The following JARID2 variants were observed in gnomAD, a reference collection of about 807,000 sequenced individuals.
The protein encoded by JARID2 is jumonji and AT-rich interaction domain containing 2.
A neutral mutation model predicts 125.6 loss-of-function variants in JARID2; 21 were observed. The ratio of observed to expected loss-of-function variants is 0.17; its 90% CI spans 0.12 to 0.24. JARID2 has a LOEUF of 0.24. Ranked by LOEUF, JARID2 falls within the 10% of genes least tolerant of loss-of-function variation. The pLI is 1.00. For synonymous variants in JARID2, 736 were observed against 661.6 expected (o/e 1.11, Z -1.73); for missense variants, 1,303 against 1,639.6 (o/e 0.79, Z 3.55).
At position 15,356,552 on chromosome 6, in the gene JARID2, AT is replaced by A. The variant is rs143034275; in HGVS notation, c.46-17555del. On this transcript the variant is annotated intron_variant, in intron 1 of 17. Transcript: ENST00000341776. ...TTGTGTTTCATATGTAAGGGAGAGC[AT>A]TTTTTTTTTAGGCAAATTCATAAAT... Among the ~76,000 whole-genome samples the A allele has an allele frequency of 7.2e-4, 107 of 148,704 alleles. 1 individual carries two copies. Among genetic ancestry groups the A allele is most frequent in the East Asian group, 7.8e-4 (4 of 5,134 alleles).
intron 14 of JARID2, 77 bp from the exon 15 acceptor site, chr6:15,512,838 C>G (rs913748227): frequency 2.4e-5 from 33 of 1,363,630 alleles, no homozygotes; most frequent in South Asian, 2.2e-4. Flanking sequence ...AGCCTGCCTG[C>G]CCCCTCCACC....
intron 2 of JARID2, among the ~76,000 whole-genome samples, chr6:15,397,503 G>A (rs1211603369): frequency 6.6e-6 from 1 of 152,134 alleles, no homozygotes; most frequent in East Asian, 1.9e-4. Context: ...GTTGGTCTTG[G>A]GGTTGAGGTG....
At chr6:15,518,240 G>A (rs1188875613) in intron 17 of JARID2, among the ~76,000 whole-genome samples, 1 of 152,178 alleles carries the variant, frequency 6.6e-6, no homozygotes, top group African/African-American at 2.4e-5. Context: ...GGCACGGGGA[G>A]GCTTCCTCTG....
intron 1 of JARID2, among the ~76,000 whole-genome samples, chr6:15,311,342 C>A (rs1762004976): frequency 6.6e-6 from 1 of 152,134 alleles, no homozygotes; most frequent in Non-Finnish European, 1.5e-5. Context: ...CTTTGGGAGG[C>A]CAAGGCGGGC....
intron 1 of JARID2, among the ~76,000 whole-genome samples, chr6:15,276,878 A>C (rs189512334): frequency 6.7e-4 from 102 of 152,156 alleles, no homozygotes; most frequent in African/African-American, 2.4e-3. Flanking sequence ...GTACAATTTG[A>C]TTGTGTTTTT....
At chr6:15,405,048 G>A (rs1268815611) in intron 2 of JARID2, among the ~76,000 whole-genome samples, 4 of 151,948 alleles carry the variant, frequency 2.6e-5, no homozygotes, top group East Asian at 1.9e-4. Flanking sequence ...GAAATCTGTC[G>A]TTCTCATTGG....
intron 1 of JARID2, among the ~76,000 whole-genome samples, chr6:15,356,603 T>C (rs1370926668): frequency 6.6e-6 from 1 of 152,192 alleles, no homozygotes; most frequent in Non-Finnish European, 1.5e-5. Context: ...GGAAGAAATG[T>C]ATTATAGTTT....
At chr6:15,248,388 TGGCGCGGCCTGCGG>T (rs1759274506) in intron 1 of JARID2, 1 of 106,148 alleles carries the variant, frequency 9.4e-6, no homozygotes, top group Non-Finnish European at 1.9e-5. Context: ...GGCGCGGGGG[TGGCGCGGCCTGCGG>T]GGCGCGGGGA....
At chr6:15,418,371 C>T (rs1208564362) in intron 3 of JARID2, among the ~76,000 whole-genome samples, 2 of 152,066 alleles carry the variant, frequency 1.3e-5, no homozygotes, top group Non-Finnish European at 2.9e-5. Context: ...GTGCATGCCA[C>T]CACACTTGGC....
intron 2 of JARID2, among the ~76,000 whole-genome samples, chr6:15,396,592 G>GT (rs1010175501): frequency 1.2e-4 from 18 of 152,274 alleles, no homozygotes; most frequent in Non-Finnish European, 2.6e-4. Flanking sequence ...TATATACTGT[G>GT]TTTTTTGCTT....
rs1214418048 is a variant in JARID2 at position 15,303,757 on chromosome 6, A to G, written c.45+57173A>G. 3.3e-5 allele frequency among the ~76,000 whole-genome samples: 5 copies of G among 152,240 alleles called. 1 individual carries two copies. Among genetic ancestry groups the G allele is most frequent in the Admixed American group, 2.0e-4 (3 of 15,286 alleles). ...TTAAACAAAACAAGCTTGTTGAACAAGGAAATAGAAGTTTTCAACAATTTG... is the reference window on the plus strand; with the variant it reads ...TTAAACAAAACAAGCTTGTTGAACAGGGAAATAGAAGTTTTCAACAATTTG... On this transcript the variant is annotated intron_variant, in intron 1 of 17. Coordinates refer to ENST00000341776, the MANE Select transcript of JARID2 (RefSeq NM_004973.4).
At position 15,415,779 on chromosome 6, in the gene JARID2, C is replaced by T. The variant is rs1262064915; in HGVS notation, c.323+5414C>T. The stretch of plus-strand genomic sequence containing the variant: ...CCCAGTAGGGGCGGCCTGGCAGAGG[C>T]GCCCCTCACCTCCCAGACGGGGCGG... On this transcript the variant is annotated intron_variant, in intron 3 of 17. Coordinates refer to ENST00000341776, the MANE Select transcript of JARID2 (RefSeq NM_004973.4). Among the ~76,000 whole-genome samples the T allele has an allele frequency of 2.4e-3, 349 of 147,484 alleles. 2 individuals carry two copies. Among genetic ancestry groups the T allele is most frequent in the Non-Finnish European group, 2.8e-3 (189 of 66,522 alleles).
At chr6:15,411,192 A>G (rs960532258) in intron 3 of JARID2, among the ~76,000 whole-genome samples, 5 of 152,352 alleles carry the variant, frequency 3.3e-5, no homozygotes, top group South Asian at 2.1e-4. Flanking sequence ...AAAGAAAAAA[A>G]AAATCCCCCT....
chr6:15,392,212 A>G (rs1765046387), intron 2 of JARID2, among the ~76,000 whole-genome samples: 1 of 152,114 alleles, frequency 6.6e-6, no homozygotes, highest in African/African-American at 2.4e-5. Flanking sequence ...ACCATTTCTA[A>G]TAAAAATCAC....
intron 1 of JARID2, among the ~76,000 whole-genome samples, chr6:15,264,744 T>C (rs886361023): frequency 6.6e-6 from 1 of 152,336 alleles, no homozygotes; most frequent in African/African-American, 2.4e-5. Context: ...GGGCCGCTTT[T>C]ATGTGGTGTA....
chr6:15,373,114 A>G (rs984182129), intron 1 of JARID2, among the ~76,000 whole-genome samples: 1 of 152,192 alleles, frequency 6.6e-6, no homozygotes, highest in African/African-American at 2.4e-5. Context: ...GAACCTCTCA[A>G]TATCCTTGGC....
intron 1 of JARID2, among the ~76,000 whole-genome samples, chr6:15,250,209 ATTGG>A (rs1759388587): frequency 6.6e-6 from 1 of 152,258 alleles, no homozygotes; most frequent in East Asian, 1.9e-4. Flanking sequence ...TGATTTAAAA[ATTGG>A]AAAAAGTTTT....
At chr6:15,494,418 T>TTTTTTTTTC (rs1770305181) in intron 6 of JARID2, among the ~76,000 whole-genome samples, 1 of 134,138 alleles carries the variant, frequency 7.5e-6, no homozygotes, top group Non-Finnish European at 1.6e-5. Flanking sequence ...CAAGTCTTTT[T>TTTTTTTTTC]TTTTTTTTTT....
In JARID2 at chr6:15,484,560, T is replaced by G. The variant is rs547642256; in HGVS notation, c.671-2747T>G. Among the ~76,000 whole-genome samples, 4 of 152,366 alleles carry G rather than the reference T, an allele frequency of 2.6e-5. No individual in the cohort carries two copies. The South Asian group carries it at 8.3e-4, about 32-fold the overall frequency. ...GTGATAGTGTCTCCCAAATACTGTG[T>G]ACCTACTGAACCCCAGACATTGTGG... On this transcript the variant is annotated intron_variant, in intron 5 of 17. Coordinates refer to ENST00000341776, the MANE Select transcript of JARID2 (RefSeq NM_004973.4).
Sources: allele counts gnomAD v4.1 joint callset (sites outside exome capture counted in the v4.1 genomes callset), GRCh38; gene constraint gnomAD v4.1.1; transcripts MANE v1.5; gene names NCBI Gene and HGNC (gene_info 2026-07-23, HGNC 2026-07-21).